NTM: variants seen among roughly 807,000 people sequenced by gnomAD.
The protein encoded by NTM is IgLON family member 2.
A neutral mutation model predicts 42.1 loss-of-function variants in NTM; 13 were observed. The ratio of observed to expected loss-of-function variants is 0.31; its 90% CI spans 0.20 to 0.49. The LOEUF (loss-of-function observed/expected upper bound fraction) is 0.49. Among genes scored for constraint, NTM ranks in the 20% least tolerant of loss-of-function variants. The pLI is 0.99. For missense variants in NTM, 373 were observed against 452.8 expected, an observed-to-expected ratio of 0.82 and a Z score of 1.60; for synonymous variants, 187 against 179.2, an observed-to-expected ratio of 1.04 and a Z score of -0.35.
At chr11:131,758,164 G>A (rs965092561) in intron 1 of NTM, among the ~76,000 whole-genome samples, 67 of 152,110 alleles carry the variant, frequency 4.4e-4, no homozygotes, top group Non-Finnish European at 1.3e-4. Context: ...ATCCTCGTCG[G>A]TGGCCAGTAG....
intron 2 of NTM, among the ~76,000 whole-genome samples, chr11:132,026,246 G>T (rs887462314): frequency 7.2e-5 from 11 of 152,182 alleles, no homozygotes; most frequent in African/African-American, 2.7e-4. Flanking sequence ...CTGGCAGTAA[G>T]AGCTTAGTGT....
intron 3 of NTM, among the ~76,000 whole-genome samples, chr11:132,158,628 CAAAT>C (rs1278728148): frequency 6.6e-6 from 1 of 152,146 alleles, no homozygotes; most frequent in African/African-American, 2.4e-5. Context: ...AAGCATTTGT[CAAAT>C]AAATGAATGA....
At chr11:131,634,858 C>T (rs2064165562) in intron 1 of NTM, among the ~76,000 whole-genome samples, 1 of 152,022 alleles carries the variant, frequency 6.6e-6, no homozygotes, top group Non-Finnish European at 1.5e-5. Flanking sequence ...ATGAATAGTA[C>T]TTTGTATATA....
At chr11:131,960,155 G>T (rs577941723) in intron 2 of NTM, among the ~76,000 whole-genome samples, 1 of 152,178 alleles carries the variant, frequency 6.6e-6, no homozygotes, top group Non-Finnish European at 1.5e-5. Flanking sequence ...TTCAGAAGGG[G>T]CAAGTTAAGG....
chr11:131,562,445 A>C lies in NTM; in HGVS notation c.82+191557A>C, dbSNP rs75206526. Reference sequence around the variant, plus strand: ...TGGGGAGAGGGTGGGGAATTCGCTGATGGTATTTGTCAGTTGCTAAGCCAG... The same window carrying C: ...TGGGGAGAGGGTGGGGAATTCGCTGCTGGTATTTGTCAGTTGCTAAGCCAG... On this transcript the variant is annotated intron_variant, in intron 1 of 8. Transcript: ENST00000683400. Among the ~76,000 whole-genome samples the C allele has an allele frequency of 5.7e-3, 866 of 152,232 alleles. 12 individuals are homozygous for C. Among genetic ancestry groups the C allele is most frequent in the African/African-American group, 0.019 (798 of 41,520 alleles).
At chr11:132,262,715 C>T (rs1420082774) in intron 4 of NTM, among the ~76,000 whole-genome samples, 3 of 152,152 alleles carry the variant, frequency 2.0e-5, no homozygotes, top group African/African-American at 7.2e-5. Flanking sequence ...TGGAGGAACA[C>T]AAACATCTAC....
chr11:131,957,070 CTG>C (rs1270203783), intron 2 of NTM, among the ~76,000 whole-genome samples: 1 of 152,172 alleles, frequency 6.6e-6, no homozygotes, highest in Non-Finnish European at 1.5e-5. Flanking sequence ...TATTTAGTAA[CTG>C]AGGTTTATAG....
At chr11:131,728,745 G>C (rs751995777) in intron 1 of NTM, among the ~76,000 whole-genome samples, 1 of 150,730 alleles carries the variant, frequency 6.6e-6, no homozygotes, top group African/African-American at 2.5e-5. Flanking sequence ...ACTTAACCTT[G>C]AGCCCCTCTG....
At chr11:132,270,774 A>G (rs553249162) in intron 4 of NTM, among the ~76,000 whole-genome samples, 32 of 152,210 alleles carry the variant, frequency 2.1e-4, no homozygotes, top group African/African-American at 7.2e-4. Flanking sequence ...CCAAAAATAT[A>G]TAAGCCTTCC....
At chr11:131,923,554 C>T (rs561179130) in intron 2 of NTM, among the ~76,000 whole-genome samples, 1 of 150,688 alleles carries the variant, frequency 6.6e-6, no homozygotes, top group East Asian at 2.0e-4. Context: ...ATGTGACACA[C>T]TTCATAAAAT....
chr11:131,462,170 G>A (rs1951442465), intron 1 of NTM, among the ~76,000 whole-genome samples: 1 of 152,188 alleles, frequency 6.6e-6, no homozygotes, highest in East Asian at 1.9e-4. Context: ...GCTGAATACT[G>A]TATTATTCCA....
chr11:131,621,439 A>G (rs2062529832), intron 1 of NTM, among the ~76,000 whole-genome samples: 1 of 152,092 alleles, frequency 6.6e-6, no homozygotes, highest in Admixed American at 6.5e-5. Context: ...GGTCATGGCC[A>G]AATACAAGGG....
intron 1 of NTM, among the ~76,000 whole-genome samples, chr11:131,808,467 G>A (rs1426510523): frequency 1.3e-5 from 2 of 152,168 alleles, no homozygotes; most frequent in Non-Finnish European, 2.9e-5. Flanking sequence ...ATGTAAATAA[G>A]CGTAACTAAG....
At chr11:131,453,910 A>T (rs1251524201) in intron 1 of NTM, among the ~76,000 whole-genome samples, 1 of 152,222 alleles carries the variant, frequency 6.6e-6, no homozygotes, top group Non-Finnish European at 1.5e-5. Context: ...AGCCTGCAGT[A>T]GTGGGCTGGG....
intron 4 of NTM, among the ~76,000 whole-genome samples, chr11:132,239,796 A>G (rs2089838511): frequency 6.6e-6 from 1 of 152,216 alleles, no homozygotes; most frequent in Admixed American, 6.5e-5. Context: ...TAGCATAACA[A>G]TAATAATTCT....
intron 2 of NTM, among the ~76,000 whole-genome samples, chr11:132,088,339 A>G (rs2059989567): frequency 6.6e-6 from 1 of 152,014 alleles, no homozygotes; most frequent in Admixed American, 6.5e-5. Flanking sequence ...TTGGGTTCAC[A>G]TTTTACTTAC....
At chr11:131,530,867 G>A (rs183956230) in intron 1 of NTM, among the ~76,000 whole-genome samples, 9 of 152,332 alleles carry the variant, frequency 5.9e-5, no homozygotes, top group Admixed American at 3.3e-4. Flanking sequence ...AAAAAAATAC[G>A]GAGGCAATTA....
At chr11:131,448,184 G>A (rs1950209287) in intron 1 of NTM, among the ~76,000 whole-genome samples, 1 of 152,232 alleles carries the variant, frequency 6.6e-6, no homozygotes, top group African/African-American at 2.4e-5. Flanking sequence ...TCAACAGACT[G>A]TCCTGCGCTG....
chr11:132,167,042 T>G (rs1445987646), intron 3 of NTM, among the ~76,000 whole-genome samples: 1 of 152,236 alleles, frequency 6.6e-6, no homozygotes, highest in Non-Finnish European at 1.5e-5. Flanking sequence ...GCATATTTTT[T>G]TATTCTACTT....
Sources: gnomAD v4.1 joint callset for allele counts (sites outside exome capture counted in the v4.1 genomes callset) on GRCh38, gnomAD v4.1.1 for gene constraint, MANE v1.5 for transcripts, NCBI Gene and HGNC (gene_info 2026-07-23, HGNC 2026-07-21) for gene names.